TJP1: variants seen among roughly 807,000 people sequenced by gnomAD.
TJP1 encodes tight junction protein 1.
TJP1 carries 43 observed loss-of-function variants against 194.2 expected under a neutral mutation model. That is an observed-to-expected ratio of 0.22 (90% CI 0.17 to 0.29). The LOEUF is 0.29. TJP1 is among the 10% of genes least tolerant of loss of function. The pLI is 1.00. For synonymous variants in TJP1, 801 were observed against 779.0 expected (o/e 1.03, Z -0.47); for missense variants, 1,971 against 2,185.7 (o/e 0.90, Z 1.96).
intron 2 of TJP1, among the ~76,000 whole-genome samples, chr15:29,949,521 C>T (rs2055498517): frequency 2.1e-5 from 2 of 94,024 alleles, no homozygotes; most frequent in African/African-American, 5.0e-5. Flanking sequence ...TCCACCTCCA[C>T]CACCACCACC....
At chr15:29,906,198 C>T (rs1332495516) in intron 2 of TJP1, among the ~76,000 whole-genome samples, 8 of 152,180 alleles carry the variant, frequency 5.3e-5, no homozygotes, top group East Asian at 1.9e-4. Flanking sequence ...TTAGGCCGGG[C>T]GCGGTGGCTC....
intron 2 of TJP1, among the ~76,000 whole-genome samples, chr15:29,946,314 C>G (rs1477021397): frequency 2.6e-5 from 4 of 152,214 alleles, no homozygotes; most frequent in Non-Finnish European, 5.9e-5. Flanking sequence ...CTGATTTGGG[C>G]AGGAGTCATC....
At position 29,772,110 on chromosome 15, in the gene TJP1, G is replaced by A; in HGVS notation, c.266C>T (p.Ala89Val). The change falls in exon 4 of 28, where the codon GCT (alanine) becomes GTT (valine). Residue 89 changes from alanine (A) to valine (V), a missense_variant. Around this residue, in one of 5 missense-constraint regions of TJP1, gnomAD observed 245 missense variants for 336.6 expected, o/e 0.73. Coordinates refer to ENST00000614355, the MANE Select transcript of TJP1 (RefSeq NM_001330239.4). ...NGVSMDNVEHAFAVQQLRKSG... is the reference protein window; with the variant it reads ...NGVSMDNVEHVFAVQQLRKSG... Reference sequence around the variant, plus strand: ...TTTCCTTAGTTGCTGAACAGCAAAAGCATGTTCAACATTATCCATTGAAAC... The same window carrying A: ...TTTCCTTAGTTGCTGAACAGCAAAAACATGTTCAACATTATCCATTGAAAC... 6.2e-7 allele frequency: 1 copy of A among 1,604,840 alleles called. No homozygotes were observed. The highest frequency in any genetic ancestry group is 1.7e-4 in the Middle Eastern group (1 of 6,040).
intron 2 of TJP1, among the ~76,000 whole-genome samples, chr15:29,941,175 C>T (rs926002122): frequency 6.6e-6 from 1 of 152,198 alleles, no homozygotes; most frequent in African/African-American, 2.4e-5. Context: ...GGCAGGCCCA[C>T]GCTGCCTTTG....
chr15:29,819,734 A>G (rs1167639307), intron 1 of TJP1, among the ~76,000 whole-genome samples: 1 of 152,236 alleles, frequency 6.6e-6, no homozygotes, highest in African/African-American at 2.4e-5. Context: ...GACTGTCTCC[A>G]TCCAGAAAAT....
chr15:29,925,022 T>C (rs2152258754), intron 2 of TJP1, among the ~76,000 whole-genome samples: 1 of 152,362 alleles, frequency 6.6e-6, no homozygotes, highest in African/African-American at 2.4e-5. Context: ...TGTGTCTACC[T>C]GTGCCAGCAG....
intron 2 of TJP1, among the ~76,000 whole-genome samples, chr15:29,875,063 C>A (rs528787543): frequency 6.6e-6 from 1 of 152,280 alleles, no homozygotes; most frequent in Non-Finnish European, 1.5e-5. Context: ...ATGAGAAATC[C>A]TATTACATAA....
chr15:29,848,179 A>G (rs1430291960), intron 2 of TJP1, among the ~76,000 whole-genome samples: 1 of 151,970 alleles, frequency 6.6e-6, no homozygotes, highest in Admixed American at 6.6e-5. Flanking sequence ...GAAAAAAAAA[A>G]AGTTTCTGCT....
Position 29,910,924 on chromosome 15 carries a change from C to T in TJP1, c.306+45308G>A, listed in dbSNP as rs541598003. On this transcript the variant is annotated intron_variant, in intron 2 of 28. Transcript: ENST00000356107. ...TGAAAGACAGGGAGAGGAGAACATACACCTGCATGGTAAGAGTACATCAAC... is the reference window on the plus strand; with the variant it reads ...TGAAAGACAGGGAGAGGAGAACATATACCTGCATGGTAAGAGTACATCAAC... Among the ~76,000 whole-genome samples the T allele has an allele frequency of 3.9e-5, 6 of 152,332 alleles. No individual in the cohort carries two copies. The South Asian group carries it at 1.0e-3, about 26-fold the overall frequency.
chr15:29,876,266 T>A (rs933778811), intron 2 of TJP1, among the ~76,000 whole-genome samples: 1 of 152,314 alleles, frequency 6.6e-6, no homozygotes, highest in East Asian at 1.9e-4. Flanking sequence ...ATGCCTGTAA[T>A]CCCAGCACTT....
At position 29,720,033 on chromosome 15, in the gene TJP1, A is replaced by C. The variant is rs751804458; in HGVS notation, c.2764-17T>G. 16 of 1,574,878 alleles carry C rather than the reference A, an allele frequency of 1.0e-5. No individual in the cohort carries two copies. The highest frequency in any genetic ancestry group is 9.7e-5 in the Admixed American group (5 of 51,698). ...TTCTGCTTTCTGTGAAGTGTTTAAA[A>C]TATTTTAAATATAGTGTTTCTGTTT... On this transcript the variant is annotated splice_polypyrimidine_tract_variant and intron_variant, in intron 19 of 27. Transcript: ENST00000614355.
chr15:29,727,712 A>G (rs2043329815), intron 16 of TJP1, among the ~76,000 whole-genome samples: 1 of 152,222 alleles, frequency 6.6e-6, no homozygotes, highest in African/African-American at 2.4e-5. Context: ...TTACATCTAA[A>G]AATCATACAC....
At chr15:29,885,861 C>T (rs947989777) in intron 2 of TJP1, among the ~76,000 whole-genome samples, 6 of 152,084 alleles carry the variant, frequency 3.9e-5, no homozygotes, top group African/African-American at 1.4e-4. Context: ...ATCATGTCGC[C>T]CCATCTGTAG....
At chr15:29,747,179 G>A (rs747561743) in intron 8 of TJP1, among the ~76,000 whole-genome samples, 2 of 152,236 alleles carry the variant, frequency 1.3e-5, no homozygotes, top group East Asian at 3.9e-4. Context: ...CAGATACTTC[G>A]GAGGTTGAGG....
At chr15:29,855,386 A>G (rs1204923024) in intron 2 of TJP1, among the ~76,000 whole-genome samples, 1 of 152,206 alleles carries the variant, frequency 6.6e-6, no homozygotes, top group Non-Finnish European at 1.5e-5. Flanking sequence ...TGGTATGAAA[A>G]TCTAGTGAGA....
rs910430941 is a variant in TJP1, at chr15:29,718,022, TGTA to T, written c.3970_3972del (p.Tyr1324del). ...ACAAAGAGCACAAAGTGTACTCACC[TGTA>T]CAGAGTTTTGTCATGTTCACTGAAT... On this transcript the variant is annotated inframe_deletion and splice_region_variant, in exon 22 of 28. Coordinates refer to ENST00000614355, the MANE Select transcript of TJP1 (RefSeq NM_001330239.4). The T allele has an allele frequency of 9.9e-6, 16 of 1,608,844 alleles. No individual in the cohort carries two copies. Among genetic ancestry groups the T allele is most frequent in the Non-Finnish European group, 1.4e-5 (16 of 1,178,264 alleles).
chr15:29,917,103 C>T (rs1387961954), intron 2 of TJP1, among the ~76,000 whole-genome samples: 7 of 152,182 alleles, frequency 4.6e-5, no homozygotes, highest in Admixed American at 4.6e-4. Context: ...ACTGTCTCGT[C>T]CTATCAGGAC....
intron 1 of TJP1, among the ~76,000 whole-genome samples, chr15:29,967,682 C>CT (rs1390543437): frequency 6.6e-6 from 1 of 152,160 alleles, no homozygotes; most frequent in Non-Finnish European, 1.5e-5. Flanking sequence ...ACGCTATATA[C>CT]TTTTTTGGTA....
chr15:29,765,476 G>C (rs1275095186), intron 5 of TJP1, among the ~76,000 whole-genome samples: 2 of 152,058 alleles, frequency 1.3e-5, no homozygotes, highest in African/African-American at 4.8e-5. Flanking sequence ...AGGCATGAGG[G>C]AAAGCAGCTG....
Sources: allele counts gnomAD v4.1 joint callset (sites outside exome capture counted in the v4.1 genomes callset), GRCh38; gene constraint gnomAD v4.1.1; regional missense constraint gnomAD v4.1.1; transcripts MANE v1.5; gene names NCBI Gene and HGNC (gene_info 2026-07-23, HGNC 2026-07-21).